TBCE: variants seen among roughly 807,000 people sequenced by gnomAD.
TBCE encodes the protein tubulin folding cofactor E.
TBCE carries 53 observed loss-of-function variants against 77.0 expected under a neutral mutation model. The ratio of observed to expected loss-of-function variants is 0.69; its 90% confidence interval spans 0.55 to 0.87. The LOEUF is 0.87. TBCE is among the 40% of genes least tolerant of loss of function. The pLI is 0.00. For missense variants in TBCE, 624 were observed against 622.4 expected, an observed-to-expected ratio of 1.00 and a Z score of -0.03; for synonymous variants, 235 against 241.3, an observed-to-expected ratio of 0.97 and a Z score of 0.24.
chr1:235,386,518 A>G (rs545673523), intron 2 of TBCE, among the ~76,000 whole-genome samples: 227 of 152,102 alleles, frequency 1.5e-3, no homozygotes, highest in African/African-American at 5.2e-3. Flanking sequence ...TTTTTTCTCT[A>G]AACTTCCCTT....
At chr1:235,399,226 A>T (rs1244875127) in intron 2 of TBCE, among the ~76,000 whole-genome samples, 1 of 152,198 alleles carries the variant, frequency 6.6e-6, no homozygotes, top group Non-Finnish European at 1.5e-5. Flanking sequence ...AAGTGCTGGG[A>T]TTACAGGCGT....
At chr1:235,378,734 G>T (rs1387072106) in intron 1 of TBCE, among the ~76,000 whole-genome samples, 1 of 152,108 alleles carries the variant, frequency 6.6e-6, no homozygotes, top group Non-Finnish European at 1.5e-5. Flanking sequence ...GGTGGCGTGT[G>T]CCTGTAATCC....
chr1:235,378,108 GTA>G (rs1677408825), intron 1 of TBCE, among the ~76,000 whole-genome samples: 6 of 152,034 alleles, frequency 3.9e-5, no homozygotes, highest in African/African-American at 4.8e-5. Flanking sequence ...CTTTTGTTTT[GTA>G]CACATATTAT....
chr1:235,388,196 C>A (rs975994051), intron 2 of TBCE, among the ~76,000 whole-genome samples: 4 of 151,842 alleles, frequency 2.6e-5, no homozygotes, highest in African/African-American at 9.7e-5. Flanking sequence ...ACAAGAAGAC[C>A]AAGTCTCAGG....
chr1:235,425,942 C>T (rs2102904135), intron 5 of TBCE, among the ~76,000 whole-genome samples: 1 of 152,302 alleles, frequency 6.6e-6, no homozygotes, highest in Middle Eastern at 3.4e-3. Flanking sequence ...TGTCCCTGAG[C>T]ACAGACAGGC....
At chr1:235,392,239 C>T (rs1425564068) in intron 2 of TBCE, among the ~76,000 whole-genome samples, 1 of 151,932 alleles carries the variant, frequency 6.6e-6, no homozygotes, top group African/African-American at 2.4e-5. Context: ...CCTGTAGCCC[C>T]AGCTACTTGG....
chr1:235,396,584 T>C (rs1572356072), intron 2 of TBCE, among the ~76,000 whole-genome samples: 2 of 152,328 alleles, frequency 1.3e-5, no homozygotes, highest in East Asian at 3.9e-4. Flanking sequence ...TCCATAGTGG[T>C]TGTACTAATT....
intron 2 of TBCE, among the ~76,000 whole-genome samples, chr1:235,384,943 G>A (rs1374030484): frequency 1.2e-4 from 18 of 151,734 alleles, no homozygotes; most frequent in Non-Finnish European, 7.4e-5. Context: ...GCTTTCTCTT[G>A]TGGGCATTTA....
At position 235,430,735 on chromosome 1, in the gene TBCE, A is replaced by G. The variant is rs1402521439; in HGVS notation, c.591A>G (p.Ser197=). 8.7e-6 allele frequency: 14 copies of G among 1,613,702 alleles called. No homozygotes were observed. Among genetic ancestry groups the G allele is most frequent in the South Asian group, 1.1e-5 (1 of 91,026 alleles). ...ATAAACTAAAATTTCCCTCCGGTTC[A>G]GTATTAACTGGAACGCTTTCTGTAC... ...SENKLKFPSG[S]VLTGTLSVLK... Residue 197 remains serine, a synonymous_variant, in exon 7 of 17, where the codon TCA becomes TCG. Transcript: ENST00000642610.
chr1:235,447,499 G>A (rs994426492), intron 15 of TBCE, among the ~76,000 whole-genome samples: 5 of 152,230 alleles, frequency 3.3e-5, no homozygotes, highest in African/African-American at 1.2e-4. Flanking sequence ...GCAGTCACTT[G>A]TGTATGTTTA....
At chr1:235,378,016 AG>A (rs1359704863) in intron 1 of TBCE, among the ~76,000 whole-genome samples, 2 of 152,180 alleles carry the variant, frequency 1.3e-5, no homozygotes, top group African/African-American at 4.8e-5. Context: ...CAAAGGCCTC[AG>A]ATATCTATAT....
chr1:235,399,881 T>A (rs1678983015), intron 2 of TBCE, among the ~76,000 whole-genome samples: 1 of 152,054 alleles, frequency 6.6e-6, no homozygotes, highest in Admixed American at 6.6e-5. Context: ...CCAGATGGCA[T>A]CCCCTGCTTG....
In TBCE at chr1:235,435,731, T is replaced by C; in HGVS notation, c.738-14T>C. 8 of 1,611,358 alleles carry C rather than the reference T, an allele frequency of 5.0e-6. No homozygotes were observed. The highest frequency in any genetic ancestry group is 6.8e-6 in the Non-Finnish European group (8 of 1,177,532). On this transcript the variant is annotated splice_polypyrimidine_tract_variant and intron_variant, in intron 8 of 16. Coordinates refer to ENST00000642610, the MANE Select transcript of TBCE (RefSeq NM_003193.5). ...AGATAAATTCACGGTGAAAAAATTT[T>C]ATTTTCCATACAGGCCAACAGATGT...
intron 3 of TBCE, among the ~76,000 whole-genome samples, chr1:235,407,772 A>C (rs369575832): frequency 9.2e-5 from 14 of 151,824 alleles, no homozygotes; most frequent in African/African-American, 3.4e-4. Context: ...CTTCCTAGGT[A>C]CTCCTGCTCT....
intron 2 of TBCE, 107 bp downstream of exon 2, chr1:235,380,256 A>C: frequency 1.8e-6 from 2 of 1,111,442 alleles, no homozygotes; most frequent in Non-Finnish European, 2.7e-6. Flanking sequence ...GTAGCACTTT[A>C]TACCACAAAT....
chr1:235,419,189 A>G (rs1333181348), intron 4 of TBCE: 1 of 475,140 alleles, frequency 2.1e-6, no homozygotes, highest in Admixed American at 3.3e-5. Context: ...CCTGGGCAAC[A>G]CAACGAGACT....
chr1:235,420,998 C>T (rs965089187), intron 5 of TBCE, among the ~76,000 whole-genome samples: 4 of 152,164 alleles, frequency 2.6e-5, no homozygotes, highest in Admixed American at 1.3e-4. Context: ...TTATAATACC[C>T]CAACAGAGGC....
At chr1:235,442,332 A>AGTTAATTTT (rs1339616570) in intron 14 of TBCE, among the ~76,000 whole-genome samples, 1 of 152,090 alleles carries the variant, frequency 6.6e-6, no homozygotes, top group South Asian at 2.1e-4. Flanking sequence ...CACCACACCC[A>AGTTAATTTT]GTTAATTTTG....
chr1:235,440,847 C>T (rs1247930470), intron 13 of TBCE: 2 of 152,246 alleles, frequency 1.3e-5, no homozygotes, highest in Admixed American at 6.5e-5. Context: ...CAGCCTGGTT[C>T]TTCAGGCTTT....
Sources: gnomAD v4.1 joint callset for allele counts (sites outside exome capture counted in the v4.1 genomes callset) on GRCh38, gnomAD v4.1.1 for gene constraint, MANE v1.5 for transcripts, NCBI Gene and HGNC (gene_info 2026-07-23, HGNC 2026-07-21) for gene names.